Variants in CIMAP1B observed in about 807,000 individuals in gnomAD.
CIMAP1B encodes orf2 5' to PD-ECGF/TP.
At chr22:50,531,207 C>G in the CIMAP1B span, 2 of 1,612,826 alleles carry the variant, frequency 1.2e-6, no homozygotes, top group Non-Finnish European at 1.7e-6. Context: ...TCTGCTGTTC[C>G]GCCTGGACAC....
chr22:50,531,324 C>T, the CIMAP1B span: 7 of 1,550,258 alleles, frequency 4.5e-6, no homozygotes, highest in African/African-American at 5.5e-5. Context: ...GTGTGGGGGG[C>T]TAGAACTGCG....
the CIMAP1B span, chr22:50,530,580 G>A: frequency 4.2e-5 from 66 of 1,572,850 alleles, no homozygotes; most frequent in East Asian, 1.0e-3. Flanking sequence ...CGGAGACACC[G>A]CTGACCTCGC....
chr22:50,531,717 G>A, the CIMAP1B span: 1 of 1,370,480 alleles, frequency 7.3e-7, no homozygotes, highest in Non-Finnish European at 9.4e-7. Context: ...GTGGGGAAGC[G>A]CGCGCCGAAG....
chr22:50,532,185 G>T, the CIMAP1B span: 1 of 1,279,568 alleles, frequency 7.8e-7, no homozygotes, highest in Non-Finnish European at 1.0e-6. Flanking sequence ...ACTACCCTGG[G>T]ATCAGCGCGG....
chr22:50,532,257 G>A, the CIMAP1B span: 2 of 862,704 alleles, frequency 2.3e-6, no homozygotes, highest in Non-Finnish European at 3.1e-6. Flanking sequence ...CTTCCTTCCC[G>A]GCTGTGTGGA....
At chr22:50,531,952 G>C in the CIMAP1B span, 1 of 1,320,792 alleles carries the variant, frequency 7.6e-7, no homozygotes. Flanking sequence ...CTCAATCCCG[G>C]GGCCTGCCCC....
At chr22:50,531,228 G>C in the CIMAP1B span, 1 of 1,612,710 alleles carries the variant, frequency 6.2e-7, no homozygotes, top group Non-Finnish European at 8.5e-7. Flanking sequence ...CCCAGTTTCG[G>C]GGAGCAATGG....
chr22:50,530,475 G>T, the CIMAP1B span: 2 of 1,592,768 alleles, frequency 1.3e-6, no homozygotes, highest in Non-Finnish European at 1.7e-6. Context: ...CTCCCGCCTG[G>T]CGGGTCAGTT....
chr22:50,531,815 A>C, the CIMAP1B span: 1 of 1,344,856 alleles, frequency 7.4e-7, no homozygotes, highest in Non-Finnish European at 9.6e-7. Context: ...CCCAGCCCCA[A>C]GCCCCATCTG....
At chr22:50,530,718 C>T in the CIMAP1B span, 1 of 1,612,070 alleles carries the variant, frequency 6.2e-7, no homozygotes, top group South Asian at 1.1e-5. Flanking sequence ...CCACCTGATC[C>T]ACGTTGTAGG....
chr22:50,531,396 T>A, the CIMAP1B span: 1 of 1,137,940 alleles, frequency 8.8e-7, no homozygotes, highest in Non-Finnish European at 1.3e-6. Flanking sequence ...GAGCCACGAT[T>A]TATCAAAGCC....
the CIMAP1B span, chr22:50,532,220 C>T: frequency 5.3e-6 from 6 of 1,140,790 alleles, no homozygotes; most frequent in Non-Finnish European, 6.7e-6. Context: ...TGGACCGTAT[C>T]CCTGGCGCCA....
the CIMAP1B span, chr22:50,531,714 A>AAT: frequency 7.3e-7 from 1 of 1,364,776 alleles, no homozygotes; most frequent in African/African-American, 1.6e-5. Flanking sequence ...TGCGTGGGGA[A>AAT]GCGCGCGCCG....
At chr22:50,531,826 C>T in the CIMAP1B span, 1 of 1,339,366 alleles carries the variant, frequency 7.5e-7, no homozygotes, top group African/African-American at 1.5e-5. Flanking sequence ...GCCCCATCTG[C>T]AACACGGACC....
the CIMAP1B span, chr22:50,530,797 G>A: frequency 6.2e-7 from 1 of 1,605,932 alleles, no homozygotes. Flanking sequence ...GAACTGGGGG[G>A]CCCGGGACTT....
chr22:50,531,710 G>A, the CIMAP1B span: 2 of 1,373,050 alleles, frequency 1.5e-6, no homozygotes, highest in Non-Finnish European at 1.9e-6. Flanking sequence ...CTGCTGCGTG[G>A]GGAAGCGCGC....
At chr22:50,531,515 G>T in the CIMAP1B span, 2 of 1,374,022 alleles carry the variant, frequency 1.5e-6, no homozygotes, top group African/African-American at 1.5e-5. Context: ...TTCCCAGGTG[G>T]GCCTCCCTGG....
At chr22:50,531,108 A>G in the CIMAP1B span, 1 of 1,590,028 alleles carries the variant, frequency 6.3e-7, no homozygotes. Flanking sequence ...GGACAGGCGC[A>G]GGGTGGTCCC....
the CIMAP1B span, chr22:50,531,948 C>T: frequency 1.5e-6 from 2 of 1,322,194 alleles, no homozygotes; most frequent in Non-Finnish European, 1.9e-6. Flanking sequence ...ACCCCTCAAT[C>T]CCGGGGCCTG....
Sources: allele counts gnomAD v4.1 joint callset, GRCh38; gene constraint gnomAD v4.1.1; transcripts MANE v1.5; gene names NCBI Gene and HGNC (gene_info 2026-07-23, HGNC 2026-07-21).